TANC2: variants seen among roughly 807,000 people sequenced by gnomAD.
TANC2 encodes the protein tetratricopeptide repeat, ankyrin repeat and coiled-coil containing 2, also known as protein TANC2.
Under a neutral mutation model 210.5 loss-of-function variants are expected in TANC2, and 26 were observed. The observed-to-expected ratio is 0.12, with a 90% confidence interval of 0.09 to 0.17. The LOEUF is 0.17. Among genes scored for constraint, TANC2 ranks in the 10% least tolerant of loss-of-function variants. The pLI is 1.00. For synonymous variants in TANC2, 931 were observed against 967.1 expected (o/e 0.96, Z 0.69); for missense variants, 2,129 against 2,608.9 (o/e 0.82, Z 4.01).
chr17:63,409,583 G>T (rs763283211), intron 21 of TANC2, among the ~76,000 whole-genome samples: 1 of 152,166 alleles, frequency 6.6e-6, no homozygotes, highest in Non-Finnish European at 1.5e-5. Context: ...TCCAAGAATT[G>T]TGTCCTTAGG....
intron 11 of TANC2, among the ~76,000 whole-genome samples, chr17:63,330,200 G>A (rs1205905148): frequency 6.6e-6 from 1 of 152,182 alleles, no homozygotes; most frequent in Non-Finnish European, 1.5e-5. Context: ...GAGAGGTGAG[G>A]AAGCTTCAGA....
intron 9 of TANC2, among the ~76,000 whole-genome samples, chr17:63,279,695 T>C (rs2146341468): frequency 6.6e-6 from 1 of 152,280 alleles, no homozygotes; most frequent in South Asian, 2.1e-4. Flanking sequence ...GGTGCAGCAA[T>C]CCTCACTGGT....
At chr17:63,160,138 A>G (rs1279759151) in intron 5 of TANC2, among the ~76,000 whole-genome samples, 1 of 152,256 alleles carries the variant, frequency 6.6e-6, no homozygotes, top group Non-Finnish European at 1.5e-5. Context: ...TTATAACCTC[A>G]TTTAACATTA....
At chr17:63,219,622 G>A (rs1458319085) in intron 7 of TANC2, among the ~76,000 whole-genome samples, 2 of 152,016 alleles carry the variant, frequency 1.3e-5, no homozygotes, top group African/African-American at 4.8e-5. Flanking sequence ...ATATTGGTCG[G>A]TTGTTCTTGA....
intron 15 of TANC2, among the ~76,000 whole-genome samples, chr17:63,382,194 T>C (rs1222737079): frequency 6.6e-6 from 1 of 152,224 alleles, no homozygotes; most frequent in Non-Finnish European, 1.5e-5. Flanking sequence ...GCGTATTTCT[T>C]ATGTATCTAG....
At chr17:63,370,214 T>C (rs2047225402) in intron 14 of TANC2, among the ~76,000 whole-genome samples, 1 of 149,502 alleles carries the variant, frequency 6.7e-6, no homozygotes, top group African/African-American at 2.5e-5. Flanking sequence ...AGTCTCTCTC[T>C]GTCACCCAGG....
chr17:63,282,443 T>C (rs1286827412), intron 9 of TANC2, among the ~76,000 whole-genome samples: 1 of 152,068 alleles, frequency 6.6e-6, no homozygotes, highest in African/African-American at 2.4e-5. Context: ...AAATAAAATA[T>C]CTCAGGGTCT....
chr17:63,285,823 A>G (rs2044204475), intron 9 of TANC2, among the ~76,000 whole-genome samples: 1 of 152,134 alleles, frequency 6.6e-6, no homozygotes, highest in Admixed American at 6.5e-5. Context: ...ACACATACCA[A>G]AATTCCAGGC....
chr17:63,108,797 G>T (rs2037922646), intron 4 of TANC2, among the ~76,000 whole-genome samples: 1 of 151,088 alleles, frequency 6.6e-6, no homozygotes, highest in African/African-American at 2.5e-5. Flanking sequence ...GACAGAGCAA[G>T]ACTCCATCTC....
chr17:63,024,083 ATAAAT>A (rs2034455113), intron 2 of TANC2, among the ~76,000 whole-genome samples: 1 of 152,210 alleles, frequency 6.6e-6, no homozygotes, highest in African/African-American at 2.4e-5. Context: ...TCTTTATCAT[ATAAAT>A]TATTTATTCC....
rs1568009006 is a variant in TANC2, at chr17:63,421,511, A to G, written c.5781A>G (p.Thr1927=). The change falls in exon 28 of 28, where the codon ACA becomes ACG. Residue 1927 remains threonine (T), a synonymous_variant. Coordinates refer to ENST00000689528, the Ensembl canonical transcript of TANC2. The surrounding 1 kb of genome is among the most constrained non-coding windows in gnomAD (Gnocchi z 6.9). ...GTGAGCCCACCCGATCCAGGACCACACCATTCATGGGGATCATAGATAAAA... is the reference window on the plus strand; with the variant it reads ...GTGAGCCCACCCGATCCAGGACCACGCCATTCATGGGGATCATAGATAAAA... 1 of 1,613,996 alleles carries G rather than the reference A, an allele frequency of 6.2e-7. No homozygotes were observed. The highest frequency in any genetic ancestry group is 8.5e-7 in the Non-Finnish European group (1 of 1,179,888).
chr17:63,379,902 A>G (rs930042212), intron 15 of TANC2, 76 bp downstream of exon 15: 10 of 1,255,782 alleles, frequency 8.0e-6, no homozygotes, highest in Non-Finnish European at 1.1e-5. Context: ...AGACTATTTC[A>G]GTGTAGTCCC....
chr17:63,294,961 T>C (rs1268701293), intron 9 of TANC2, among the ~76,000 whole-genome samples: 4 of 152,190 alleles, frequency 2.6e-5, no homozygotes, highest in African/African-American at 4.8e-5. Context: ...GAAAATCTCT[T>C]GGAAACCAGC....
chr17:63,246,963 C>G (rs991429873), intron 8 of TANC2, among the ~76,000 whole-genome samples: 1 of 152,114 alleles, frequency 6.6e-6, no homozygotes, highest in Non-Finnish European at 1.5e-5. Flanking sequence ...CTCTACATCT[C>G]CTTTGTTACT....
chr17:63,112,209 G>C (rs2038076669), intron 4 of TANC2, among the ~76,000 whole-genome samples: 1 of 152,160 alleles, frequency 6.6e-6, no homozygotes, highest in African/African-American at 2.4e-5. Flanking sequence ...AGGACACCTA[G>C]GACCTGAGAT....
chr17:63,303,818 T>C (rs71375892), intron 9 of TANC2, among the ~76,000 whole-genome samples: 1 of 151,914 alleles, frequency 6.6e-6, no homozygotes, highest in Admixed American at 6.6e-5. Context: ...TCTCTAATCT[T>C]GTCTGCGTGC....
At chr17:63,098,511 G>GTATATATATATATA (rs1286873668) in intron 3 of TANC2, among the ~76,000 whole-genome samples, 17 of 72,618 alleles carry the variant, frequency 2.3e-4, no homozygotes, top group African/African-American at 1.4e-3. Context: ...CTCTCTCTCT[G>GTATATATATATATA]TGTGTATATA....
At chr17:63,120,819 A>C (rs900230162) in intron 4 of TANC2, 10 of 149,288 alleles carry the variant, frequency 6.7e-5, no homozygotes, top group African/African-American at 2.2e-4. Flanking sequence ...GTCTCAAAAA[A>C]AAAAAAAAAA....
intron 7 of TANC2, among the ~76,000 whole-genome samples, chr17:63,218,717 G>A (rs942427444): frequency 3.9e-5 from 6 of 152,132 alleles, no homozygotes; most frequent in Non-Finnish European, 8.8e-5. Flanking sequence ...CCAACATGGC[G>A]AAACCTCCTT....
Sources: gnomAD v4.1 joint callset for allele counts (sites outside exome capture counted in the v4.1 genomes callset) on GRCh38, gnomAD v4.1.1 for gene constraint, Gnocchi (gnomAD v3.1) non-coding constraint, MANE v1.5 for transcripts, NCBI Gene and HGNC (gene_info 2026-07-23, HGNC 2026-07-21) for gene names.